The following UHMK1 variants were observed in gnomAD, a reference collection of about 807,000 sequenced individuals.
UHMK1 encodes serine/threonine-protein kinase Kist.
UHMK1 carries 18 observed loss-of-function variants against 44.0 expected under a neutral mutation model. The observed-to-expected ratio is 0.41, with a 90% CI of 0.28 to 0.61. The LOEUF (loss-of-function observed/expected upper bound fraction) is 0.61, where lower values mean the gene tolerates loss of function less well. UHMK1 is among the 20% of genes least tolerant of loss of function. UHMK1 has a pLI of 0.31. For synonymous variants in UHMK1, 231 were observed against 198.5 expected (o/e 1.16, Z -1.38); for missense variants, 463 against 522.5 (o/e 0.89, Z 1.11).
At chr1:162,513,407 C>T (rs1047509309) in intron 6 of UHMK1, among the ~76,000 whole-genome samples, 7 of 152,132 alleles carry the variant, frequency 4.6e-5, no homozygotes, top group Non-Finnish European at 1.5e-5. Flanking sequence ...TTGCTTTTAA[C>T]ATTCATTCAT....
chr1:162,518,407 T>A (rs567290820), intron 7 of UHMK1, among the ~76,000 whole-genome samples: 10 of 152,066 alleles, frequency 6.6e-5, no homozygotes, highest in Admixed American at 1.3e-4. Flanking sequence ...TTTTTTTTTT[T>A]AAATATTGGC....
Position 162,512,655 on chromosome 1 carries a change from G to A in UHMK1, c.926-70G>A, listed in dbSNP as rs192027972. On this transcript the variant is annotated intron_variant, in intron 5 of 7. Coordinates refer to ENST00000489294, the MANE Select transcript of UHMK1 (RefSeq NM_175866.5). ...CATCAGCACTAATTTATATTCACAA[G>A]TTCCTTTATCTGGTGTTCAACTTAT... is the stretch of plus-strand genomic sequence containing the variant. 4,986 of 1,602,024 alleles carry A rather than the reference G, an allele frequency of 3.1e-3. 27 individuals carry two copies. The highest frequency in any genetic ancestry group is 2.7e-3 in the Non-Finnish European group (3,131 of 1,172,310).
At chr1:162,500,886 G>A (rs1369785419) in intron 2 of UHMK1, 27 bp from the exon 3 acceptor site, 19 of 1,597,638 alleles carry the variant, frequency 1.2e-5, no homozygotes, top group African/African-American at 4.0e-5. Context: ...TTTTTTATTG[G>A]TTGTAATATT....
chr1:162,508,668 C>CTT (rs979772372), intron 4 of UHMK1, among the ~76,000 whole-genome samples: 6 of 151,352 alleles, frequency 4.0e-5, no homozygotes, highest in Admixed American at 1.3e-4. Flanking sequence ...CACCACTGCA[C>CTT]TTCAGCCTGA....
rs1475116519 is a variant in UHMK1, at chr1:162,500,139, T to C, written c.453T>C (p.His151=). 1 of 1,614,220 alleles carries C rather than the reference T, an allele frequency of 6.2e-7. No homozygotes were observed. The highest frequency in any genetic ancestry group is 8.5e-7 in the Non-Finnish European group (1 of 1,180,040). Reference sequence around the variant, plus strand: ...TGGAGGCCCTTGCTTTTCTTCATCATGAGGGCTATGTCCATGCGGACCTCA... The same window carrying C: ...TGGAGGCCCTTGCTTTTCTTCATCACGAGGGCTATGTCCATGCGGACCTCA... The part of the protein sequence containing the change: ...DVLEALAFLH[H]EGYVHADLKP... The change falls in exon 2 of 8, where the codon CAT becomes CAC. Residue 151 remains histidine (H), a synonymous_variant. Coordinates refer to ENST00000489294, the MANE Select transcript of UHMK1 (RefSeq NM_175866.5).
chr1:162,518,714 C>T (rs907012772), intron 7 of UHMK1, among the ~76,000 whole-genome samples: 7 of 146,920 alleles, frequency 4.8e-5, no homozygotes, highest in Admixed American at 2.7e-4. Flanking sequence ...TTTGGCTGGG[C>T]GCAGTGGCTC....
intron 6 of UHMK1, among the ~76,000 whole-genome samples, chr1:162,513,860 G>A (rs749593511): frequency 1.3e-5 from 2 of 152,150 alleles, no homozygotes; most frequent in Admixed American, 6.6e-5. Flanking sequence ...AGAACTTTGC[G>A]TCAGGTATAG....
chr1:162,500,716 A>G (rs1571003470), intron 2 of UHMK1, 197 bp from the exon 3 acceptor site: 2 of 565,118 alleles, frequency 3.5e-6, no homozygotes, highest in Admixed American at 3.1e-5. Flanking sequence ...TATGAGCGCT[A>G]TATGGAAATG....
chr1:162,509,937 G>A (rs1651609827), intron 4 of UHMK1, among the ~76,000 whole-genome samples: 1 of 152,140 alleles, frequency 6.6e-6, no homozygotes, highest in Admixed American at 6.5e-5. Context: ...GAGCCACCAC[G>A]CCTGGCCTAG....
In UHMK1 at chr1:162,528,900, C is replaced by CT. The variant is rs1652345654; in HGVS notation, c.*6351dup. 6.6e-6 allele frequency: 1 copy of CT among 152,026 alleles called. No individual in the cohort carries two copies. The highest frequency in any genetic ancestry group is 1.5e-5 in the Non-Finnish European group (1 of 67,962). The allele number at this position is 152,026 out of a possible 1,614,324, so 9.4% of individuals were successfully genotyped here. A position where few individuals can be genotyped will look rare whatever the true frequency, so the allele number is the denominator to read the frequency against. ...TATCTGTTGATCAGCCTTAGAAAAT[C>CT]TAAGTATGATCAATAAATTTTAATG... On this transcript the variant is annotated 3_prime_UTR_variant, in exon 8 of 8. Transcript: ENST00000489294.
At chr1:162,500,524 C>T (rs1239590525) in intron 2 of UHMK1, 6 of 419,762 alleles carry the variant, frequency 1.4e-5, no homozygotes, top group Non-Finnish European at 2.5e-5. Flanking sequence ...AAATTTTATG[C>T]GTGTTTGGCT....
chr1:162,517,969 C>T, intron 6 of UHMK1, 133 bp from the exon 7 acceptor site: 1 of 586,846 alleles, frequency 1.7e-6, no homozygotes, highest in South Asian at 2.6e-5. Flanking sequence ...ATTTGAATGT[C>T]AACTATTCAA....
At chr1:162,518,332 C>T in intron 7 of UHMK1, 142 bp downstream of exon 7, 4 of 581,918 alleles carry the variant, frequency 6.9e-6, no homozygotes, top group South Asian at 5.4e-5. Context: ...TATATTCTGA[C>T]TTGTACTTTT....
chr1:162,502,044 C>T (rs1651289841), intron 3 of UHMK1, among the ~76,000 whole-genome samples: 1 of 152,022 alleles, frequency 6.6e-6, no homozygotes, highest in African/African-American at 2.4e-5. Context: ...GGTGTGATGG[C>T]ACACACCTGT....
At chr1:162,503,033 A>T (rs553026214) in intron 3 of UHMK1, among the ~76,000 whole-genome samples, 1 of 152,344 alleles carries the variant, frequency 6.6e-6, no homozygotes, top group South Asian at 2.1e-4. Flanking sequence ...AAAGATTTAG[A>T]GAATGAGTAA....
intron 6 of UHMK1, among the ~76,000 whole-genome samples, chr1:162,516,345 A>G (rs1185331387): frequency 1.3e-5 from 2 of 152,202 alleles, no homozygotes; most frequent in Non-Finnish European, 2.9e-5. Context: ...ATCTTGATAG[A>G]GGCAGGGAAG....
In UHMK1 at chr1:162,525,577, G is replaced by A. The variant is rs1652216615; in HGVS notation, c.*3027G>A. On this transcript the variant is annotated 3_prime_UTR_variant, in exon 8 of 8. Coordinates refer to ENST00000489294, the MANE Select transcript of UHMK1 (RefSeq NM_175866.5). ...GTCAAAACTAATGCTGTATTTACAG[G>A]ACAAAAACAAGTAGAGTTGGACACC... 6.6e-6 allele frequency: 1 copy of A among 152,142 alleles called. No homozygotes were observed. Among genetic ancestry groups the A allele is most frequent in the Admixed American group, 6.5e-5 (1 of 15,276 alleles). 9.4% of individuals were successfully genotyped at this position (152,142 alleles called of 1,614,324 possible).
At position 162,523,219 on chromosome 1, in the gene UHMK1, C is replaced by T. The variant is rs1062174; in HGVS notation, c.*669C>T. ...TAGTATGTATGCTTGAGTGAATGTGCGAGTATGAATGATTAGAGAAAATTT... is the reference window on the plus strand; with the variant it reads ...TAGTATGTATGCTTGAGTGAATGTGTGAGTATGAATGATTAGAGAAAATTT... On this transcript the variant is annotated 3_prime_UTR_variant, in exon 8 of 8. Coordinates refer to ENST00000489294, the MANE Select transcript of UHMK1 (RefSeq NM_175866.5). The T allele has an allele frequency of 0.43, 65,458 of 152,312 alleles. 14,238 individuals are homozygous for T. The highest frequency in any genetic ancestry group is 0.46 in the Non-Finnish European group (31,116 of 67,984). 9.4% of individuals were successfully genotyped at this position (152,312 alleles called of 1,614,324 possible).
Position 162,512,732 on chromosome 1 carries a change from T to C in UHMK1, c.933T>C (p.His311=), listed in dbSNP as rs1477970905. 1.2e-6 allele frequency: 2 copies of C among 1,614,080 alleles called. No homozygotes were observed. Among genetic ancestry groups the C allele is most frequent in the Admixed American group, 3.3e-5 (2 of 60,012 alleles). ...TATGATGAATTTTAACAGCCCCTCA[T>C]ATTGAAGATCTGGTCATGCTTCCCA... ...SPFFSIPFAP[H]IEDLVMLPTP... The change falls in exon 6 of 8, where the codon CAT becomes CAC. Residue 311 remains histidine (H), a synonymous_variant. Coordinates refer to ENST00000489294, the MANE Select transcript of UHMK1 (RefSeq NM_175866.5).
Sources: gnomAD v4.1 joint callset for allele counts (sites outside exome capture counted in the v4.1 genomes callset) on GRCh38, gnomAD v4.1.1 for gene constraint, MANE v1.5 for transcripts, NCBI Gene and HGNC (gene_info 2026-07-23, HGNC 2026-07-21) for gene names.